The following UBE2H variants were observed in gnomAD, a reference collection of about 807,000 sequenced individuals.
The protein encoded by UBE2H is ubiquitin-conjugating enzyme E2 H.
In UBE2H, 3 loss-of-function variants were observed where a neutral mutation model predicts 29.0. That is an observed-to-expected ratio of 0.10 (90% CI 0.05 to 0.27). The LOEUF (loss-of-function observed/expected upper bound fraction) is 0.27. Among genes scored for constraint, UBE2H ranks in the 10% least tolerant of loss-of-function variants. UBE2H has a pLI of 1.00. For missense variants in UBE2H, 68 were observed against 228.2 expected (o/e 0.30, Z 4.52); for synonymous variants, 69 against 82.9 (o/e 0.83, Z 0.91).
At chr7:129,939,961 AAAAAAAAAG>A (rs1226511738) in intron 1 of UBE2H, among the ~76,000 whole-genome samples, 4 of 151,896 alleles carry the variant, frequency 2.6e-5, no homozygotes, top group Non-Finnish European at 5.9e-5. Context: ...TCCATCTCAA[AAAAAAAAAG>A]AAAGAAAGAA....
At chr7:129,942,698 TAAAA>T (rs541622953) in intron 1 of UBE2H, among the ~76,000 whole-genome samples, 2 of 152,006 alleles carry the variant, frequency 1.3e-5, no homozygotes, top group African/African-American at 2.4e-5. Context: ...AAAGAAATGT[TAAAA>T]AAAATCTTAT....
intron 1 of UBE2H, among the ~76,000 whole-genome samples, chr7:129,934,042 C>G (rs1292999697): frequency 6.6e-6 from 1 of 152,130 alleles, no homozygotes; most frequent in African/African-American, 2.4e-5. Flanking sequence ...CAATGACAAG[C>G]CAGGCACAGT....
At chr7:129,940,453 T>C (rs571437919) in intron 1 of UBE2H, among the ~76,000 whole-genome samples, 2 of 152,268 alleles carry the variant, frequency 1.3e-5, no homozygotes, top group East Asian at 1.9e-4. Flanking sequence ...ACCATGCCTA[T>C]CTTCTAGAGA....
intron 6 of UBE2H, among the ~76,000 whole-genome samples, chr7:129,835,421 G>T (rs1480502252): frequency 6.6e-6 from 1 of 152,172 alleles, no homozygotes; most frequent in Admixed American, 6.5e-5. Flanking sequence ...GACCAGTCAT[G>T]ATTCCATAGT....
At chr7:129,840,147 A>G (rs528785765) in intron 5 of UBE2H, among the ~76,000 whole-genome samples, 100 of 152,336 alleles carry the variant, frequency 6.6e-4, no homozygotes, top group Admixed American at 1.2e-3. Context: ...ACAAATATTC[A>G]TAAGACAGAT....
intron 1 of UBE2H, among the ~76,000 whole-genome samples, chr7:129,937,827 T>C (rs1807562064): frequency 6.6e-6 from 1 of 152,224 alleles, no homozygotes; most frequent in South Asian, 2.1e-4. Context: ...TTATTCATTA[T>C]CAAGATGGTG....
chr7:129,871,713 C>CAAATAAAAA (rs1554433111), intron 3 of UBE2H, among the ~76,000 whole-genome samples: 17 of 124,400 alleles, frequency 1.4e-4, no homozygotes, highest in East Asian at 2.4e-4. Context: ...GACTCTGTAT[C>CAAATAAAAA]AAAAAAAAAA....
At chr7:129,900,181 A>G (rs1806681534) in intron 1 of UBE2H, among the ~76,000 whole-genome samples, 1 of 152,160 alleles carries the variant, frequency 6.6e-6, no homozygotes, top group Admixed American at 6.5e-5. Context: ...AAAATAGGAT[A>G]TGAAGTTAAC....
At chr7:129,858,235 T>A (rs1220663655) in intron 4 of UBE2H, among the ~76,000 whole-genome samples, 2 of 152,320 alleles carry the variant, frequency 1.3e-5, no homozygotes, top group Middle Eastern at 3.4e-3. Flanking sequence ...CTTGTTAGGA[T>A]AACTGATACA....
chr7:129,944,418 G>A (rs1012810040), intron 1 of UBE2H, among the ~76,000 whole-genome samples: 19 of 152,010 alleles, frequency 1.2e-4, no homozygotes, highest in African/African-American at 4.6e-4. Context: ...TTTTATTTGG[G>A]TGTGAAATAT....
chr7:129,885,060 C>CT (rs1382738642), intron 1 of UBE2H, among the ~76,000 whole-genome samples: 2 of 139,952 alleles, frequency 1.4e-5, no homozygotes, highest in African/African-American at 5.1e-5. Context: ...GAGAACTTCT[C>CT]TTAAAAAAAA....
At chr7:129,872,277 A>C (rs1230220691) in intron 3 of UBE2H, among the ~76,000 whole-genome samples, 1 of 152,142 alleles carries the variant, frequency 6.6e-6, no homozygotes, top group Non-Finnish European at 1.5e-5. Flanking sequence ...ATCCCTGCTT[A>C]AATACTGCTC....
chr7:129,843,722 G>A (rs1319246573), intron 5 of UBE2H, among the ~76,000 whole-genome samples: 2 of 152,168 alleles, frequency 1.3e-5, no homozygotes, highest in African/African-American at 2.4e-5. Context: ...TCACAGAGAC[G>A]GTGTGCTTGT....
Position 129,889,135 on chromosome 7 carries a change from G to A in UBE2H, c.54-8164C>T, listed in dbSNP as rs993289263. Among the ~76,000 whole-genome samples, 11 of 152,340 alleles carry A rather than the reference G, an allele frequency of 7.2e-5. No homozygotes were observed. The South Asian group carries it at 1.2e-3, about 17-fold the overall frequency. On this transcript the variant is annotated intron_variant, in intron 1 of 6. Transcript: ENST00000355621. ...CCAAGACCAGATTACGGAGGGCTCCGAAGTGTGGATTTTATCTGGCAAACA... is the reference window on the plus strand; with the variant it reads ...CCAAGACCAGATTACGGAGGGCTCCAAAGTGTGGATTTTATCTGGCAAACA...
At chr7:129,857,671 G>T in intron 4 of UBE2H, 108 bp from the exon 5 acceptor site, 1 of 1,187,982 alleles carries the variant, frequency 8.4e-7, no homozygotes, top group Non-Finnish European at 1.2e-6. Context: ...ATAGATCTGT[G>T]AAAAAAAGAA....
intron 1 of UBE2H, among the ~76,000 whole-genome samples, chr7:129,903,527 C>A (rs1195224796): frequency 6.6e-6 from 1 of 152,110 alleles, no homozygotes; most frequent in Admixed American, 6.6e-5. Flanking sequence ...CTTTAGGAGA[C>A]CCAGGTGGGA....
intron 1 of UBE2H, 34 bp downstream of exon 1, chr7:129,952,469 A>G (rs773020152): frequency 6.2e-7 from 1 of 1,607,358 alleles, no homozygotes; most frequent in South Asian, 1.1e-5. Context: ...ACCGCCCCCC[A>G]CACACAGCCC....
intron 1 of UBE2H, among the ~76,000 whole-genome samples, chr7:129,907,457 C>T (rs1479101122): frequency 6.6e-6 from 1 of 152,138 alleles, no homozygotes; most frequent in Non-Finnish European, 1.5e-5. Context: ...AGCAACTGTG[C>T]CTAGAACCAG....
intron 1 of UBE2H, among the ~76,000 whole-genome samples, chr7:129,940,303 T>C (rs1285902038): frequency 6.6e-6 from 1 of 152,192 alleles, no homozygotes; most frequent in African/African-American, 2.4e-5. Flanking sequence ...AATGCTTCCC[T>C]AAAAATGGTT....
Sources: allele counts gnomAD v4.1 joint callset (sites outside exome capture counted in the v4.1 genomes callset), GRCh38; gene constraint gnomAD v4.1.1; transcripts MANE v1.5; gene names NCBI Gene and HGNC (gene_info 2026-07-23, HGNC 2026-07-21).